Variants in BCL11B observed in about 807,000 individuals in gnomAD.
BCL11B encodes the protein BCL11 transcription factor B, also known as B-cell lymphoma/leukemia 11B.
A neutral mutation model predicts 49.9 loss-of-function variants in BCL11B; 8 were observed. The ratio of observed to expected loss-of-function variants is 0.16; its 90% confidence interval spans 0.09 to 0.29. BCL11B has a LOEUF of 0.29. Ranked by LOEUF, BCL11B falls within the 10% of genes least tolerant of loss-of-function variation. The pLI is 1.00. For missense variants in BCL11B, 1,006 were observed against 1,351.0 expected (o/e 0.74, Z 4.00); for synonymous variants, 739 against 637.4 (o/e 1.16, Z -2.40).
In BCL11B at chr14:99,271,180, G is replaced by C; in HGVS notation, c.39C>G (p.Ser13=). The change falls in exon 1 of 4, where the codon TCC becomes TCG. Residue 13 remains serine, a synonymous_variant. Coordinates refer to ENST00000357195, the MANE Select transcript of BCL11B (RefSeq NM_138576.4). ...ACTTACGGGTGATGAGCTCCCTCTG[G>C]GACAAGTGCTGCGGGTTGCCCTGTT... ...RRKQGNPQHL[S]QRELITPEAD... is the part of the protein sequence containing the mutation. 1 of 1,550,498 alleles carries C rather than the reference G, an allele frequency of 6.4e-7. No homozygotes were observed. Among genetic ancestry groups the C allele is most frequent in the African/African-American group, 1.4e-5 (1 of 70,482 alleles).
chr14:99,178,978 T>G (rs919460533), intron 3 of BCL11B, among the ~76,000 whole-genome samples: 1 of 152,218 alleles, frequency 6.6e-6, no homozygotes, highest in African/African-American at 2.4e-5. Context: ...CCACAGATTT[T>G]CTAGAAAGTT....
At chr14:99,239,518 A>G (rs1888602053) in intron 2 of BCL11B, among the ~76,000 whole-genome samples, 1 of 152,192 alleles carries the variant, frequency 6.6e-6, no homozygotes, top group Non-Finnish European at 1.5e-5. Context: ...CTATTTCTTC[A>G]TTAATTTAGA....
chr14:99,189,531 G>C (rs990328337), intron 3 of BCL11B, among the ~76,000 whole-genome samples: 4 of 152,208 alleles, frequency 2.6e-5, no homozygotes, highest in African/African-American at 7.2e-5. Flanking sequence ...TGTCGACAAG[G>C]AGTTACACCC....
chr14:99,199,608 G>C (rs561033558), intron 3 of BCL11B, among the ~76,000 whole-genome samples: 2 of 151,436 alleles, frequency 1.3e-5, no homozygotes, highest in South Asian at 4.2e-4. Flanking sequence ...TGACTGAAAA[G>C]GGAGAAGACT....
At chr14:99,221,724 C>T (rs889982707) in intron 3 of BCL11B, among the ~76,000 whole-genome samples, 5 of 152,266 alleles carry the variant, frequency 3.3e-5, no homozygotes, top group African/African-American at 7.2e-5. Flanking sequence ...AAACCAGGAG[C>T]GGTCCTGTCA....
At chr14:99,219,105 G>A (rs1335640692) in intron 3 of BCL11B, among the ~76,000 whole-genome samples, 4 of 151,232 alleles carry the variant, frequency 2.6e-5, no homozygotes, top group African/African-American at 7.3e-5. Flanking sequence ...GCAGTGGCAC[G>A]ATCTCGGCTC....
intron 3 of BCL11B, among the ~76,000 whole-genome samples, chr14:99,189,412 C>A (rs1311442235): frequency 6.6e-6 from 1 of 152,264 alleles, no homozygotes; most frequent in Non-Finnish European, 1.5e-5. Flanking sequence ...AAGCTGCACG[C>A]ACACTACATG....
chr14:99,207,661 C>G (rs767108988), intron 3 of BCL11B, among the ~76,000 whole-genome samples: 1 of 152,230 alleles, frequency 6.6e-6, no homozygotes, highest in Non-Finnish European at 1.5e-5. Flanking sequence ...TATCAGCCGG[C>G]CCAGAGGCAG....
chr14:99,175,125 C>T lies in BCL11B; in HGVS notation c.1711G>A (p.Gly571Ser), dbSNP rs754368274. 6.3e-7 allele frequency: 1 copy of T among 1,589,462 alleles called. No homozygotes were observed. The highest frequency in any genetic ancestry group is 1.1e-5 in the South Asian group (1 of 90,520). ...ELSRNRENGG[G>S]GVPGVPGAGG... ...GCGCCCGGGACCCCGGGCACCCCAC[C>T]ACCGCCGTTCTCGCGGTTGCGGCTC... is the stretch of plus-strand genomic sequence containing the variant. The change falls in exon 4 of 4, where the codon GGT (glycine) becomes AGT (serine). Residue 571 changes from glycine to serine, a missense_variant. Coordinates refer to ENST00000357195, the MANE Select transcript of BCL11B (RefSeq NM_138576.4).
intron 3 of BCL11B, among the ~76,000 whole-genome samples, chr14:99,216,026 T>C (rs1887824527): frequency 6.6e-6 from 1 of 152,308 alleles, no homozygotes; most frequent in Admixed American, 6.5e-5. Context: ...ATGACAGTGA[T>C]TGCAATAATA....
rs1221028496 is a variant in BCL11B, at chr14:99,194,001, A to G, written c.641-17806T>C. On this transcript the variant is annotated intron_variant, in intron 3 of 3. Transcript: ENST00000357195. The surrounding 1 kb of genome is among the most constrained non-coding windows in gnomAD (Gnocchi z 4.6). ...TTTATTGGCCCCAATGCTTGTCAAT[A>G]TGAATGGGGGTACTGGGGGTTTCAA... Among the ~76,000 whole-genome samples the G allele has an allele frequency of 6.6e-5, 10 of 152,164 alleles. No individual in the cohort carries two copies. Among genetic ancestry groups the G allele is most frequent in the Admixed American group, 6.5e-4 (10 of 15,282 alleles).
rs773108635 is a variant in BCL11B at position 99,244,324 on chromosome 14, C to A, written c.428-12767G>T. ...CCTCACACACACACACACCCCTAGTCTCCAAAAATCCTAAAATGTACATCC... is the reference window on the plus strand; with the variant it reads ...CCTCACACACACACACACCCCTAGTATCCAAAAATCCTAAAATGTACATCC... On this transcript the variant is annotated intron_variant, in intron 2 of 3. Transcript: ENST00000357195. 1.4e-4 allele frequency among the ~76,000 whole-genome samples: 22 copies of A among 151,914 alleles called. 1 individual carries two copies. The highest frequency in any genetic ancestry group is 2.9e-4 in the Non-Finnish European group (20 of 68,010).
At chr14:99,193,526 T>C (rs1392585878) in intron 3 of BCL11B, among the ~76,000 whole-genome samples, 1 of 152,098 alleles carries the variant, frequency 6.6e-6, no homozygotes, top group Non-Finnish European at 1.5e-5. Context: ...TGGTACAACA[T>C]GCCGGAGAAC....
chr14:99,224,997 C>T (rs1300787151), intron 3 of BCL11B, among the ~76,000 whole-genome samples: 2 of 152,154 alleles, frequency 1.3e-5, no homozygotes, highest in Non-Finnish European at 2.9e-5. Flanking sequence ...TGGTGGGCTC[C>T]CACTGCAGAT....
chr14:99,235,083 G>A (rs1888454945), intron 2 of BCL11B, among the ~76,000 whole-genome samples: 2 of 152,140 alleles, frequency 1.3e-5, no homozygotes, highest in South Asian at 4.1e-4. Context: ...CACCGCCGAG[G>A]AGCGTGGAGA....
intron 3 of BCL11B, among the ~76,000 whole-genome samples, chr14:99,179,537 T>C (rs912565930): frequency 2.1e-4 from 31 of 147,664 alleles, no homozygotes; most frequent in Non-Finnish European, 4.2e-4. Flanking sequence ...AGGGAGGGCA[T>C]TACCTGTCCA....
chr14:99,271,358 T>G lies in BCL11B; in HGVS notation c.-140A>C. Reference sequence around the variant, plus strand: ...GCCGCACCTCCTCCTCTGCCCGGGTTGGTGTTTTTTTTCCCTTCCTCTCTT... The same window carrying G: ...GCCGCACCTCCTCCTCTGCCCGGGTGGGTGTTTTTTTTCCCTTCCTCTCTT... On this transcript the variant is annotated 5_prime_UTR_variant, in exon 1 of 4. Coordinates refer to ENST00000357195, the MANE Select transcript of BCL11B (RefSeq NM_138576.4). 9.1e-6 allele frequency: 4 copies of G among 438,020 alleles called. No individual in the cohort carries two copies. Among genetic ancestry groups the G allele is most frequent in the Non-Finnish European group, 1.4e-5 (4 of 283,220 alleles). 27.1% of individuals were successfully genotyped at this position (438,020 alleles called of 1,614,324 possible).
intron 2 of BCL11B, among the ~76,000 whole-genome samples, chr14:99,254,786 G>A (rs897913799): frequency 1.2e-4 from 18 of 152,230 alleles, no homozygotes; most frequent in Admixed American, 8.5e-4. Flanking sequence ...AAGCCTGGGC[G>A]GAGAAGTGCC....
At chr14:99,249,490 G>A (rs191985786) in intron 2 of BCL11B, among the ~76,000 whole-genome samples, 9 of 152,234 alleles carry the variant, frequency 5.9e-5, no homozygotes, top group East Asian at 1.9e-4. Flanking sequence ...GTGACTCACC[G>A]GACAACTGTG....
Sources: gnomAD v4.1 joint callset for allele counts (sites outside exome capture counted in the v4.1 genomes callset) on GRCh38, gnomAD v4.1.1 for gene constraint, Gnocchi (gnomAD v3.1) non-coding constraint, MANE v1.5 for transcripts, NCBI Gene and HGNC (gene_info 2026-07-23, HGNC 2026-07-21) for gene names.